The following SLC25A32 variants were observed in gnomAD, a reference collection of about 807,000 sequenced individuals.
SLC25A32 encodes the protein solute carrier family 25 member 32.
In SLC25A32, 32 loss-of-function variants were observed where a neutral mutation model predicts 39.0. The ratio of observed to expected loss-of-function variants is 0.82; its 90% CI spans 0.62 to 1.10. SLC25A32 has a LOEUF of 1.10. SLC25A32 is among the 50% of genes least tolerant of loss of function. SLC25A32 has a pLI of 0.00. For missense variants in SLC25A32, 367 were observed against 395.3 expected (o/e 0.93, Z 0.61); for synonymous variants, 166 against 152.4 (o/e 1.09, Z -0.66).
intron 1 of SLC25A32, among the ~76,000 whole-genome samples, chr8:103,413,174 C>G (rs1029778030): frequency 2.0e-5 from 3 of 152,208 alleles, no homozygotes; most frequent in African/African-American, 7.2e-5. Flanking sequence ...TCCCTTTCCT[C>G]AGGAATGATA....
intron 5 of SLC25A32, 91 bp from the exon 6 acceptor site, chr8:103,401,752 G>A (rs1816223741): frequency 1.7e-6 from 2 of 1,163,926 alleles, no homozygotes; most frequent in African/African-American, 1.6e-5. Flanking sequence ...CATTTAAATG[G>A]ATCTTTAAGG....
intron 1 of SLC25A32, 138 bp downstream of exon 1, chr8:103,414,646 A>T (rs1586120515): frequency 2.4e-6 from 3 of 1,253,792 alleles, no homozygotes; most frequent in Admixed American, 4.8e-5. Flanking sequence ...CATTTCCTCA[A>T]ATCTAGTTCA....
At position 103,399,290 on chromosome 8, in the gene SLC25A32, A is replaced by T. The variant is rs774626382; in HGVS notation, c.*1121T>A. On this transcript the variant is annotated 3_prime_UTR_variant, in exon 7 of 7. Coordinates refer to ENST00000297578, the MANE Select transcript of SLC25A32 (RefSeq NM_030780.5). Reference sequence around the variant, plus strand: ...AACATTTCAGCATCTGTAAAAGGTGATCTATTTAGCATCTGTAATAAGTGA... The same window carrying T: ...AACATTTCAGCATCTGTAAAAGGTGTTCTATTTAGCATCTGTAATAAGTGA... 1.3e-5 allele frequency: 2 copies of T among 152,344 alleles called. No homozygotes were observed. The allele number at this position is 152,344 out of a possible 1,614,324, so 9.4% of individuals were successfully genotyped here.
chr8:103,411,186 G>A (rs1248078405), intron 1 of SLC25A32, among the ~76,000 whole-genome samples: 1 of 152,110 alleles, frequency 6.6e-6, no homozygotes, highest in Non-Finnish European at 1.5e-5. Flanking sequence ...TTCCTACTAA[G>A]CGTTCTGGTC....
intron 4 of SLC25A32, 163 bp from the exon 5 acceptor site, chr8:103,402,217 A>T: frequency 1.9e-6 from 1 of 532,794 alleles, no homozygotes; most frequent in Non-Finnish European, 3.3e-6. Flanking sequence ...CTTGTAATAT[A>T]AAGACATGGG....
chr8:103,404,712 C>A (rs1030772030), intron 3 of SLC25A32, 64 bp downstream of exon 3: 3 of 1,215,574 alleles, frequency 2.5e-6, no homozygotes, highest in Middle Eastern at 2.1e-4. Context: ...GAAAAGAAAT[C>A]AAAAACCAAA....
intron 1 of SLC25A32, among the ~76,000 whole-genome samples, chr8:103,410,243 AT>A (rs1816435335): frequency 6.6e-6 from 1 of 152,246 alleles, no homozygotes; most frequent in South Asian, 2.1e-4. Flanking sequence ...AATACAGTAA[AT>A]TTTTTTGGTC....
chr8:103,410,671 TGCC>T (rs1438336057), intron 1 of SLC25A32, among the ~76,000 whole-genome samples: 1 of 152,128 alleles, frequency 6.6e-6, no homozygotes, highest in Non-Finnish European at 1.5e-5. Flanking sequence ...TAAAAACATT[TGCC>T]ACTAATGAAT....
At chr8:103,409,891 A>C (rs2130451950) in intron 1 of SLC25A32, among the ~76,000 whole-genome samples, 1 of 152,300 alleles carries the variant, frequency 6.6e-6, no homozygotes, top group East Asian at 1.9e-4. Context: ...TCACTTATAA[A>C]ATGGGGATAA....
chr8:103,409,439 CTTT>C (rs1308610718), intron 1 of SLC25A32, among the ~76,000 whole-genome samples: 1 of 145,628 alleles, frequency 6.9e-6, no homozygotes, highest in Non-Finnish European at 1.5e-5. Context: ...CCTATGAATT[CTTT>C]TTTTTTTTGG....
At chr8:103,406,123 A>G (rs1256125602) in intron 2 of SLC25A32, among the ~76,000 whole-genome samples, 1 of 151,814 alleles carries the variant, frequency 6.6e-6, no homozygotes, top group African/African-American at 2.4e-5. Flanking sequence ...ATACATATAT[A>G]CATACATTCT....
At position 103,402,121 on chromosome 8, in the gene SLC25A32, T is replaced by C. The variant is rs1816231410; in HGVS notation, c.553-67A>G. 15 of 1,018,104 alleles carry C rather than the reference T, an allele frequency of 1.5e-5. 1 individual carries two copies. The South Asian group carries it at 2.3e-4, about 15-fold the overall frequency. 63.1% of individuals were successfully genotyped at this position (1,018,104 alleles called of 1,614,324 possible). A position where few individuals can be genotyped will look rare whatever the true frequency, so the allele number is the denominator to read the frequency against. On this transcript the variant is annotated intron_variant, in intron 4 of 6. Transcript: ENST00000297578. ...TGAAGAACAATATATTTAAGTAAAA[T>C]ACTTTCTCTTCTCTCTCATTACAGC...
chr8:103,407,867 TTATA>T (rs1816366462), intron 1 of SLC25A32, 83 bp from the exon 2 acceptor site: 3 of 1,156,900 alleles, frequency 2.6e-6, no homozygotes, highest in Non-Finnish European at 3.5e-6. Context: ...GTACAATTGG[TTATA>T]TAAAGGAGAT....
In SLC25A32 at chr8:103,400,165, G is replaced by C; in HGVS notation, c.*246C>G. On this transcript the variant is annotated 3_prime_UTR_variant, in exon 7 of 7. Transcript: ENST00000297578. ...AGAAATCTGTGAAACTCTATCCTTC[G>C]TGTCAGTTTTAACATTGTGTTGATG... 2.1e-6 allele frequency: 1 copy of C among 468,852 alleles called. No individual in the cohort carries two copies. Among genetic ancestry groups the C allele is most frequent in the Non-Finnish European group, 3.8e-6 (1 of 265,382 alleles). The allele number at this position is 468,852 out of a possible 1,614,324, so 29.0% of individuals were successfully genotyped here. A position where few individuals can be genotyped will look rare whatever the true frequency, so the allele number is the denominator to read the frequency against.
At chr8:103,401,023 T>A (rs1816208150) in intron 6 of SLC25A32, among the ~76,000 whole-genome samples, 1 of 152,246 alleles carries the variant, frequency 6.6e-6, no homozygotes, top group Non-Finnish European at 1.5e-5. Flanking sequence ...TTAAACATCC[T>A]AAATGTTCTC....
chr8:103,402,148 C>T, intron 4 of SLC25A32, 94 bp from the exon 5 acceptor site: 2 of 749,696 alleles, frequency 2.7e-6, no homozygotes, highest in Non-Finnish European at 4.1e-6. Context: ...CATTACAGCA[C>T]TTTAAGCAAA....
chr8:103,400,399 T>C lies in SLC25A32; in HGVS notation c.*12A>G, dbSNP rs1457649917. On this transcript the variant is annotated 3_prime_UTR_variant, in exon 7 of 7. Coordinates refer to ENST00000297578, the MANE Select transcript of SLC25A32 (RefSeq NM_030780.5). ...GCCTTGGGCAGATATACTGGAATTG[T>C]CCTCTTTGAGCTTACTTTCTCTTTT... 6.2e-7 allele frequency: 1 copy of C among 1,614,034 alleles called. No homozygotes were observed. The highest frequency in any genetic ancestry group is 2.2e-5 in the East Asian group (1 of 44,870).
intron 1 of SLC25A32, among the ~76,000 whole-genome samples, chr8:103,411,164 G>T (rs1816455243): frequency 6.6e-6 from 1 of 152,126 alleles, no homozygotes; most frequent in African/African-American, 2.4e-5. Flanking sequence ...GGATAGCAAA[G>T]GTAAAATTTA....
At chr8:103,414,578 C>A (rs1182449832) in intron 1 of SLC25A32, 4 of 649,320 alleles carry the variant, frequency 6.2e-6, no homozygotes, top group Admixed American at 3.0e-5. Flanking sequence ...ACATACATGC[C>A]CCCTCTCTTA....
Sources: gnomAD v4.1 joint callset for allele counts (sites outside exome capture counted in the v4.1 genomes callset) on GRCh38, gnomAD v4.1.1 for gene constraint, MANE v1.5 for transcripts, NCBI Gene and HGNC (gene_info 2026-07-23, HGNC 2026-07-21) for gene names.